The following KHDRBS3 variants were observed in gnomAD, a reference collection of about 807,000 sequenced individuals.
KHDRBS3 encodes KH RNA binding domain containing, signal transduction associated 3.
A neutral mutation model predicts 45.6 loss-of-function variants in KHDRBS3; 23 were observed. That is an observed-to-expected ratio of 0.50 (90% CI 0.36 to 0.72). The LOEUF (loss-of-function observed/expected upper bound fraction) is 0.72. Among genes scored for constraint, KHDRBS3 ranks in the 30% least tolerant of loss-of-function variants. The pLI is 0.00. For synonymous variants in KHDRBS3, 162 were observed against 156.5 expected (o/e 1.04, Z -0.26); for missense variants, 352 against 424.8 (o/e 0.83, Z 1.51).
At chr8:135,528,100 G>A (rs940765023) in intron 2 of KHDRBS3, among the ~76,000 whole-genome samples, 1 of 152,172 alleles carries the variant, frequency 6.6e-6, no homozygotes, top group South Asian at 2.1e-4. Flanking sequence ...TGTCCTTTTA[G>A]CCTCTAAGCA....
intron 1 of KHDRBS3, among the ~76,000 whole-genome samples, chr8:135,516,139 A>G (rs1453283321): frequency 6.6e-6 from 1 of 152,274 alleles, no homozygotes; most frequent in Non-Finnish European, 1.5e-5. Context: ...CAGTTGTAAC[A>G]CAATGGTAAG....
In KHDRBS3 at chr8:135,588,419, C is replaced by G. The variant is rs191451070; in HGVS notation, c.807+6346C>G. Among the ~76,000 whole-genome samples, 117 of 152,252 alleles carry G rather than the reference C, an allele frequency of 7.7e-4. 1 individual carries two copies. The highest frequency in any genetic ancestry group is 2.8e-3 in the African/African-American group (115 of 41,546). Reference sequence around the variant, plus strand: ...CTGCAGGCGCTCCAAACCCCTTCAGCTGGAGTTTTTAATGGAGGCATCACT... The same window carrying G: ...CTGCAGGCGCTCCAAACCCCTTCAGGTGGAGTTTTTAATGGAGGCATCACT... On this transcript the variant is annotated intron_variant, in intron 6 of 8. Coordinates refer to ENST00000355849, the MANE Select transcript of KHDRBS3 (RefSeq NM_006558.3).
chr8:135,573,902 T>C (rs1264534027), intron 5 of KHDRBS3, among the ~76,000 whole-genome samples: 5 of 152,202 alleles, frequency 3.3e-5, no homozygotes, highest in Admixed American at 6.5e-5. Flanking sequence ...TAATCTGCTT[T>C]CAAAACTCTA....
At chr8:135,505,774 C>T (rs1312981144) in intron 1 of KHDRBS3, among the ~76,000 whole-genome samples, 1 of 151,962 alleles carries the variant, frequency 6.6e-6, no homozygotes, top group Non-Finnish European at 1.5e-5. Flanking sequence ...GGACTCAGAC[C>T]TCCGAGAAAT....
At chr8:135,472,531 C>T (rs886636658) in intron 1 of KHDRBS3, among the ~76,000 whole-genome samples, 1 of 152,196 alleles carries the variant, frequency 6.6e-6, no homozygotes, top group Non-Finnish European at 1.5e-5. Flanking sequence ...CTCTTCCTAG[C>T]AGTCTTATTT....
chr8:135,483,284 T>C (rs533303036), intron 1 of KHDRBS3, among the ~76,000 whole-genome samples: 1 of 152,340 alleles, frequency 6.6e-6, no homozygotes, highest in South Asian at 2.1e-4. Context: ...TCTGAAAATA[T>C]CTTCTTCTCA....
intron 6 of KHDRBS3, among the ~76,000 whole-genome samples, chr8:135,603,542 T>G (rs1829313538): frequency 6.6e-6 from 1 of 152,240 alleles, no homozygotes. Flanking sequence ...TATAGTCATA[T>G]TCATGACTTC....
At chr8:135,650,698 A>G (rs1049617778), downstream of KHDRBS3, among the ~76,000 whole-genome samples, 1 of 152,140 alleles carries the variant, frequency 6.6e-6, no homozygotes, top group Non-Finnish European at 1.5e-5. Context: ...CCCTTAGATT[A>G]AAGGCTCTTT....
chr8:135,478,073 A>T (rs945370030), intron 1 of KHDRBS3, among the ~76,000 whole-genome samples: 2 of 152,176 alleles, frequency 1.3e-5, no homozygotes, highest in Non-Finnish European at 2.9e-5. Context: ...CATGCTCCTT[A>T]TAAGAATCCA....
At chr8:135,480,655 G>GT (rs1426060182) in intron 1 of KHDRBS3, among the ~76,000 whole-genome samples, 2 of 151,612 alleles carry the variant, frequency 1.3e-5, no homozygotes, top group Non-Finnish European at 2.9e-5. Flanking sequence ...AAGGTAGAAA[G>GT]GAAAAAAAAG....
intron 5 of KHDRBS3, among the ~76,000 whole-genome samples, chr8:135,563,302 C>T (rs549951445): frequency 1.2e-3 from 182 of 152,316 alleles, no homozygotes; most frequent in African/African-American, 4.2e-3. Context: ...ATAGACGAAG[C>T]TCATTTCTTT....
chr8:135,512,255 T>A (rs544416798), intron 1 of KHDRBS3, among the ~76,000 whole-genome samples: 4 of 152,180 alleles, frequency 2.6e-5, no homozygotes, highest in Admixed American at 6.5e-5. Flanking sequence ...CTGTAAATAC[T>A]CTTTATATTT....
chr8:135,638,282 G>A (rs943678617), intron 7 of KHDRBS3, among the ~76,000 whole-genome samples: 9 of 152,172 alleles, frequency 5.9e-5, no homozygotes, highest in African/African-American at 1.4e-4. Flanking sequence ...GTAACAATGC[G>A]AGGCCAAACC....
intron 2 of KHDRBS3, among the ~76,000 whole-genome samples, chr8:135,527,342 A>G (rs911729664): frequency 6.6e-6 from 1 of 152,226 alleles, no homozygotes; most frequent in South Asian, 2.1e-4. Context: ...GGTTGTCTCT[A>G]AAGAGTCTGG....
In KHDRBS3 at chr8:135,484,317, G is replaced by T. The variant is rs1175426419; in HGVS notation, c.88+26363G>T. On this transcript the variant is annotated intron_variant, in intron 1 of 8. Transcript: ENST00000355849. ...TTAGTACACTCCCTTCCTCACCATC[G>T]CTAGACCTTCTTCCCTAAGAGTTAA... 4.6e-5 allele frequency among the ~76,000 whole-genome samples: 7 copies of T among 152,182 alleles called. No individual in the cohort carries two copies. The East Asian group carries it at 1.3e-3, about 29-fold the overall frequency.
intron 7 of KHDRBS3, among the ~76,000 whole-genome samples, chr8:135,622,481 T>G (rs1387024662): frequency 6.6e-6 from 1 of 152,204 alleles, no homozygotes; most frequent in African/African-American, 2.4e-5. Flanking sequence ...TAACATTGTG[T>G]CAAAGGAAGA....
Position 135,567,648 on chromosome 8 carries a change from C to T in KHDRBS3, c.611+10061C>T, listed in dbSNP as rs1260335503. On this transcript the variant is annotated intron_variant, in intron 5 of 8. Transcript: ENST00000355849. Reference sequence around the variant, plus strand: ...ATTCAGTGTGTGCTCAATAACTATTCACTGAAATAGTAAGTGGAGATCAGG... The same window carrying T: ...ATTCAGTGTGTGCTCAATAACTATTTACTGAAATAGTAAGTGGAGATCAGG... Among the ~76,000 whole-genome samples, 4 of 152,278 alleles carry T rather than the reference C, an allele frequency of 2.6e-5. No individual in the cohort carries two copies. The East Asian group carries it at 5.8e-4, about 22-fold the overall frequency.
intron 7 of KHDRBS3, among the ~76,000 whole-genome samples, chr8:135,626,305 T>G (rs79105894): frequency 0.075 from 11,475 of 152,326 alleles, 690 homozygotes; most frequent in African/African-American, 0.16. Flanking sequence ...CAAAGCCTGA[T>G]TTTTAACTAT....
At chr8:135,633,802 C>T (rs1586837629) in intron 7 of KHDRBS3, among the ~76,000 whole-genome samples, 1 of 152,214 alleles carries the variant, frequency 6.6e-6, no homozygotes, top group African/African-American at 2.4e-5. Context: ...TCTACACGTG[C>T]ACAGCCTCCC....
Sources: gnomAD v4.1 joint callset for allele counts (sites outside exome capture counted in the v4.1 genomes callset) on GRCh38, gnomAD v4.1.1 for gene constraint, MANE v1.5 for transcripts, NCBI Gene and HGNC (gene_info 2026-07-23, HGNC 2026-07-21) for gene names.